The following OTUD7B variants were observed in gnomAD, a reference collection of about 807,000 sequenced individuals.
OTUD7B encodes OTU domain-containing protein 7B.
Under a neutral mutation model 82.2 loss-of-function variants are expected in OTUD7B, and 34 were observed. That is an observed-to-expected ratio of 0.41 (90% CI 0.31 to 0.55). OTUD7B has a LOEUF of 0.55. Among genes scored for constraint, OTUD7B ranks in the 20% least tolerant of loss-of-function variants. The pLI is 0.20. For synonymous variants in OTUD7B, 398 were observed against 402.7 expected, an observed-to-expected ratio of 0.99 and a Z score of 0.14; for missense variants, 944 against 1,062.1, an observed-to-expected ratio of 0.89 and a Z score of 1.55.
intron 1 of OTUD7B, among the ~76,000 whole-genome samples, chr1:150,006,224 G>A (rs1305977993): frequency 1.3e-5 from 2 of 152,174 alleles, no homozygotes; most frequent in African/African-American, 2.4e-5. Context: ...TTGGGAGGCC[G>A]AGTCAGGCGG....
At chr1:150,015,907 G>T in the OTUD7B span, among the ~76,000 whole-genome samples, 1 of 152,312 alleles carries the variant, frequency 6.6e-6, no homozygotes, top group East Asian at 1.9e-4. Flanking sequence ...GAGAAAATCC[G>T]CTGGAGGCTT....
chr1:150,042,576 C>T, the OTUD7B span, among the ~76,000 whole-genome samples: 1 of 152,036 alleles, frequency 6.6e-6, no homozygotes, highest in South Asian at 2.1e-4. Flanking sequence ...CACTCATTTC[C>T]ACCCAGAGAA....
the OTUD7B span, among the ~76,000 whole-genome samples, chr1:150,042,556 C>A: frequency 6.6e-6 from 1 of 152,032 alleles, no homozygotes; most frequent in African/African-American, 2.4e-5. Flanking sequence ...TCCTCCCACT[C>A]CTCCCTTTAC....
At chr1:149,999,188 C>T (rs1180992769) in intron 1 of OTUD7B, among the ~76,000 whole-genome samples, 2 of 152,060 alleles carry the variant, frequency 1.3e-5, no homozygotes, top group Non-Finnish European at 2.9e-5. Flanking sequence ...TCTCAATTTT[C>T]ATAATGAACT....
intron 7 of OTUD7B, among the ~76,000 whole-genome samples, chr1:149,953,783 T>C (rs1205694893): frequency 2.6e-5 from 4 of 152,194 alleles, no homozygotes; most frequent in Non-Finnish European, 5.9e-5. Context: ...AAGTTGGATT[T>C]CTAGGTATTT....
chr1:150,001,604 A>C (rs964020011), intron 1 of OTUD7B, among the ~76,000 whole-genome samples: 10 of 152,216 alleles, frequency 6.6e-5, no homozygotes, highest in Admixed American at 3.9e-4. Context: ...GTTACACAGG[A>C]ATTCAGATAA....
In OTUD7B at chr1:149,950,106, A is replaced by C. The variant is rs1559827410; in HGVS notation, c.961T>G (p.Ser321Ala). The C allele has an allele frequency of 6.2e-7, 1 of 1,613,904 alleles. No individual in the cohort carries two copies. Among genetic ancestry groups the C allele is most frequent in the Non-Finnish European group, 8.5e-7 (1 of 1,180,038 alleles). The change falls in exon 8 of 12, where the codon TCC becomes GCC. Residue 321 changes from serine to alanine, a missense_variant. Around this residue, in one of 3 missense-constraint regions of OTUD7B, gnomAD observed 530 missense variants for 625.6 expected, o/e 0.85. Coordinates refer to ENST00000581312, the MANE Select transcript of OTUD7B (RefSeq NM_020205.4). ...CTGGCTGACTCACCTTCCCCTCCGGAGTCCCTCAGCATGGTGTCTGCCACG... is the reference window on the plus strand; with the variant it reads ...CTGGCTGACTCACCTTCCCCTCCGGCGTCCCTCAGCATGGTGTCTGCCACG... ...VVVADTMLRD[S>A]GGEAFAPIPF...
At chr1:149,987,526 G>A (rs782680666) in intron 1 of OTUD7B, among the ~76,000 whole-genome samples, 6 of 152,156 alleles carry the variant, frequency 3.9e-5, no homozygotes, top group Non-Finnish European at 8.8e-5. Context: ...AATAACATAC[G>A]TGAAGCCTTA....
chr1:150,016,547 C>T, the OTUD7B span, among the ~76,000 whole-genome samples: 4 of 151,422 alleles, frequency 2.6e-5, no homozygotes, highest in Non-Finnish European at 5.9e-5. Context: ...CTCTGCCTCC[C>T]GGGTTCAAAC....
chr1:149,968,867 C>T (rs1293485339), intron 3 of OTUD7B, among the ~76,000 whole-genome samples: 1 of 150,242 alleles, frequency 6.7e-6, no homozygotes, highest in Non-Finnish European at 1.5e-5. Flanking sequence ...CACGCCACCA[C>T]ACCCAGCTAA....
At chr1:150,055,679 T>C in the OTUD7B span, among the ~76,000 whole-genome samples, 1 of 152,166 alleles carries the variant, frequency 6.6e-6, no homozygotes. Context: ...AATGTACGTA[T>C]ACACCATGGA....
At chr1:149,992,520 G>A in intron 1 of OTUD7B, among the ~76,000 whole-genome samples, 1 of 116,068 alleles carries the variant, frequency 8.6e-6, no homozygotes, top group East Asian at 2.9e-4. Flanking sequence ...CTGTCACCCA[G>A]GCTGGAGTGC....
rs782245233 is a variant in OTUD7B, at chr1:149,941,622, C to G, written c.*2235G>C. Reference sequence around the variant, plus strand: ...AAAAATCACAATTAATGTAAAAAGTCTATGATGGACAATGTATCAAAAATT... The same window carrying G: ...AAAAATCACAATTAATGTAAAAAGTGTATGATGGACAATGTATCAAAAATT... On this transcript the variant is annotated 3_prime_UTR_variant, in exon 12 of 12. Coordinates refer to ENST00000581312, the MANE Select transcript of OTUD7B (RefSeq NM_020205.4). 7.2e-5 allele frequency: 11 copies of G among 152,114 alleles called. No individual in the cohort carries two copies. The highest frequency in any genetic ancestry group is 1.2e-4 in the Non-Finnish European group (8 of 68,020). The allele number at this position is 152,114 out of a possible 1,614,324, so 9.4% of individuals were successfully genotyped here. A position where few individuals can be genotyped will look rare whatever the true frequency, so the allele number is the denominator to read the frequency against.
chr1:150,029,396 G>T, the OTUD7B span, among the ~76,000 whole-genome samples: 2 of 152,142 alleles, frequency 1.3e-5, no homozygotes, highest in Non-Finnish European at 2.9e-5. Flanking sequence ...ATCTATATTT[G>T]AATTGTGATT....
intron 1 of OTUD7B, among the ~76,000 whole-genome samples, chr1:150,006,953 T>C (rs983786553): frequency 1.3e-5 from 2 of 152,192 alleles, no homozygotes; most frequent in Admixed American, 6.5e-5. Context: ...ATATTTCTCA[T>C]TAAATCCGTC....
At chr1:150,001,217 C>A (rs1167281851) in intron 1 of OTUD7B, among the ~76,000 whole-genome samples, 2 of 152,150 alleles carry the variant, frequency 1.3e-5, no homozygotes, top group Non-Finnish European at 2.9e-5. Context: ...GGGTTGTAGA[C>A]TCAAAATTGC....
chr1:149,946,910 G>C (rs1647802644), intron 11 of OTUD7B, among the ~76,000 whole-genome samples: 1 of 151,828 alleles, frequency 6.6e-6, no homozygotes, highest in African/African-American at 2.4e-5. Flanking sequence ...AAAATTAGCT[G>C]GGCGTGGTGG....
chr1:149,988,023 G>T (rs782576710), intron 1 of OTUD7B, among the ~76,000 whole-genome samples: 1 of 151,954 alleles, frequency 6.6e-6, no homozygotes, highest in Admixed American at 6.6e-5. Flanking sequence ...CTCATTCCAG[G>T]TTCAAAGATT....
At chr1:150,011,271 CT>C (rs782674107), upstream of OTUD7B, among the ~76,000 whole-genome samples, 2 of 152,266 alleles carry the variant, frequency 1.3e-5, no homozygotes, top group South Asian at 4.1e-4. Context: ...GATACATCTG[CT>C]TTAGACTGCT....
Sources: gnomAD v4.1 joint callset for allele counts (sites outside exome capture counted in the v4.1 genomes callset) on GRCh38, gnomAD v4.1.1 for gene constraint, gnomAD v4.1.1 regional missense constraint, MANE v1.5 for transcripts, NCBI Gene and HGNC (gene_info 2026-07-23, HGNC 2026-07-21) for gene names.